Variants in BMP8B observed in about 807,000 individuals in gnomAD.
BMP8B encodes bone morphogenetic protein 8 (osteogenic protein 2).
In BMP8B, 17 loss-of-function variants were observed where a neutral mutation model predicts 30.3. That is an observed-to-expected ratio of 0.56 (90% CI 0.38 to 0.84). The LOEUF is 0.84. Among genes scored for constraint, BMP8B ranks in the 40% least tolerant of loss-of-function variants. The pLI is 0.00. For synonymous variants in BMP8B, 131 were observed against 214.7 expected (o/e 0.61, Z 3.41); for missense variants, 253 against 494.6 (o/e 0.51, Z 4.63).
chr1:39,763,996 G>C (rs1168935699), intron 4 of BMP8B: 7 of 625,854 alleles, frequency 1.1e-5, no homozygotes, highest in East Asian at 8.8e-5. Flanking sequence ...CCAATGGCTA[G>C]AGTGACACTG....
chr1:39,782,878 C>T (rs1172855336), intron 1 of BMP8B, among the ~76,000 whole-genome samples: 2 of 152,108 alleles, frequency 1.3e-5, no homozygotes, highest in Admixed American at 6.5e-5. Context: ...CAGGCAACCT[C>T]CATCTCCCAG....
chr1:39,778,207 T>C (rs1255319425), intron 1 of BMP8B, among the ~76,000 whole-genome samples: 1 of 152,162 alleles, frequency 6.6e-6, no homozygotes, highest in Non-Finnish European at 1.5e-5. Flanking sequence ...GGGCTGGGTA[T>C]CACTGCCAGT....
chr1:39,782,932 T>G (rs1401306144), intron 1 of BMP8B, among the ~76,000 whole-genome samples: 1 of 152,030 alleles, frequency 6.6e-6, no homozygotes. Context: ...TAGTTAGGAC[T>G]ACAGTCCCGC....
chr1:39,781,063 C>T (rs931001255), intron 1 of BMP8B, among the ~76,000 whole-genome samples: 1 of 152,202 alleles, frequency 6.6e-6, no homozygotes, highest in African/African-American at 2.4e-5. Context: ...TGTCTTTGGG[C>T]TTCTCTTTCT....
chr1:39,760,230 C>T lies in BMP8B; in HGVS notation c.*189G>A, dbSNP rs1348013662. On this transcript the variant is annotated 3_prime_UTR_variant, in exon 7 of 7. Transcript: ENST00000372827. ...ACCTGGGCTGGAAACAGGACAGTCA[C>T]ACAAATGCCTGGCAGGGCAAGGGGA... 12 of 1,022,406 alleles carry T rather than the reference C, an allele frequency of 1.2e-5. No homozygotes were observed. The East Asian group carries it at 1.8e-4, about 16-fold the overall frequency. The allele number at this position is 1,022,406 out of a possible 1,614,324, so 63.3% of individuals were successfully genotyped here.
chr1:39,786,647 C>A (rs1651000663), intron 1 of BMP8B, among the ~76,000 whole-genome samples: 1 of 152,156 alleles, frequency 6.6e-6, no homozygotes, highest in Non-Finnish European at 1.5e-5. Flanking sequence ...ATCCACAACT[C>A]TTCTTGGTCC....
chr1:39,762,995 G>A (rs114826687), intron 6 of BMP8B, 97 bp downstream of exon 6: 31,486 of 1,421,038 alleles, frequency 0.022, 398 homozygotes, highest in Non-Finnish European at 0.027. Flanking sequence ...GAGACGCGGA[G>A]CAGGTGGCCT....
At chr1:39,782,937 T>C (rs1022087692) in intron 1 of BMP8B, among the ~76,000 whole-genome samples, 1 of 151,800 alleles carries the variant, frequency 6.6e-6, no homozygotes, top group South Asian at 2.1e-4. Flanking sequence ...AGGACTACAG[T>C]CCCGCGCCAC....
rs1557497421 is a variant in BMP8B, at chr1:39,788,772, C to G, written c.-287G>C. On this transcript the variant is annotated 5_prime_UTR_variant, in exon 1 of 7. Coordinates refer to ENST00000372827, the MANE Select transcript of BMP8B (RefSeq NM_001720.5). The surrounding 1 kb of genome is among the most constrained non-coding windows in gnomAD (Gnocchi z 5.8). ...GGCCAATCCGTCTGTCGCCGCCGTA[C>G]CCGCCAGTCCGGCTGTGGCCGCGGT... 6.3e-6 allele frequency: 1 copy of G among 158,288 alleles called. No homozygotes were observed. The highest frequency in any genetic ancestry group is 1.4e-5 in the Non-Finnish European group (1 of 73,796). 9.8% of individuals were successfully genotyped at this position (158,288 alleles called of 1,614,324 possible). A position where few individuals can be genotyped will look rare whatever the true frequency, so the allele number is the denominator to read the frequency against.
rs1310954199 is a variant in BMP8B, at chr1:39,765,035, AG to A, written c.674-219del. ...TGGGGACAGATTTGGAGGAGGTGGG[AG>A]GGGGTGCTCAGTGAGCTGCAGGCGG... On this transcript the variant is annotated intron_variant, in intron 3 of 6. Coordinates refer to ENST00000372827, the MANE Select transcript of BMP8B (RefSeq NM_001720.5). 3.2e-5 allele frequency: 32 copies of A among 1,009,280 alleles called. No homozygotes were observed. The South Asian group carries it at 4.7e-4, about 15-fold the overall frequency. 62.5% of individuals were successfully genotyped at this position (1,009,280 alleles called of 1,614,324 possible).
chr1:39,771,298 G>T (rs1395006823), intron 3 of BMP8B: 11 of 1,440,330 alleles, frequency 7.6e-6, no homozygotes, highest in Non-Finnish European at 1.0e-5. Context: ...TGTGAGCCCT[G>T]CGTGCGCCTC....
chr1:39,760,952 T>G (rs1006282908), intron 6 of BMP8B, among the ~76,000 whole-genome samples: 9 of 152,074 alleles, frequency 5.9e-5, no homozygotes, highest in African/African-American at 2.2e-4. Context: ...CTTTCTTCTT[T>G]TGGCCCTTCG....
At position 39,759,555 on chromosome 1, in the gene BMP8B, A is replaced by G. The variant is rs1648665234; in HGVS notation, c.*864T>C. ...TCTGCCATTCAGAGGGGAAAGGGAAATGATGGCATCTGTGCTGTGCATTGT... is the reference window on the plus strand; with the variant it reads ...TCTGCCATTCAGAGGGGAAAGGGAAGTGATGGCATCTGTGCTGTGCATTGT... On this transcript the variant is annotated 3_prime_UTR_variant, in exon 7 of 7. Coordinates refer to ENST00000372827, the MANE Select transcript of BMP8B (RefSeq NM_001720.5). The G allele has an allele frequency of 6.6e-6, 1 of 152,266 alleles. No individual in the cohort carries two copies. Among genetic ancestry groups the G allele is most frequent in the Non-Finnish European group, 1.5e-5 (1 of 68,060 alleles). The allele number at this position is 152,266 out of a possible 1,614,324, so 9.4% of individuals were successfully genotyped here.
At chr1:39,783,622 A>G (rs1650797788) in intron 1 of BMP8B, among the ~76,000 whole-genome samples, 1 of 152,258 alleles carries the variant, frequency 6.6e-6, no homozygotes, top group South Asian at 2.1e-4. Context: ...GAAAGAAAAG[A>G]AAACGCTGGG....
At position 39,788,604 on chromosome 1, in the gene BMP8B, G is replaced by A. The variant is rs1365664603; in HGVS notation, c.-119C>T. ...CTGGGCTCGGCGGGCGGCGGGCGGC[G>A]GGGCGGGGCGGGACGGGCGGCGACC... On this transcript the variant is annotated 5_prime_UTR_variant, in exon 1 of 7. Transcript: ENST00000372827. The surrounding 1 kb of genome is among the most constrained non-coding windows in gnomAD (Gnocchi z 5.8). The A allele has an allele frequency of 4.4e-6, 4 of 904,360 alleles. No homozygotes were observed. Among genetic ancestry groups the A allele is most frequent in the African/African-American group, 1.8e-5 (1 of 55,232 alleles). The allele number at this position is 904,360 out of a possible 1,614,324, so 56.0% of individuals were successfully genotyped here.
At chr1:39,763,252 C>T in intron 5 of BMP8B, 50 bp from the exon 6 acceptor site, 1 of 1,520,554 alleles carries the variant, frequency 6.6e-7, no homozygotes, top group Non-Finnish European at 9.0e-7. Flanking sequence ...CCTCCCTGAG[C>T]CTCAGGGCCC....
chr1:39,788,730 T>C lies in BMP8B; in HGVS notation c.-245A>G, dbSNP rs1411816048. 1.7e-5 allele frequency: 3 copies of C among 180,740 alleles called. No homozygotes were observed. The highest frequency in any genetic ancestry group is 3.2e-5 in the Non-Finnish European group (3 of 94,498). The allele number at this position is 180,740 out of a possible 1,614,324, so 11.2% of individuals were successfully genotyped here. A position where few individuals can be genotyped will look rare whatever the true frequency, so the allele number is the denominator to read the frequency against. ...CACCGCCTCGAGGCCGGGGCTACTC[T>C]GCGGACTGGGACTCTCGGCCAATCC... is the stretch of plus-strand genomic sequence containing the variant. On this transcript the variant is annotated 5_prime_UTR_variant, in exon 1 of 7. Transcript: ENST00000372827. This position sits in a 1 kb window ranked among gnomAD's most constrained non-coding sequence, Gnocchi z 5.8.
rs541961159 is a variant in BMP8B, at chr1:39,766,265, G to C, written c.674-1448C>G. On this transcript the variant is annotated intron_variant, in intron 3 of 6. Coordinates refer to ENST00000372827, the MANE Select transcript of BMP8B (RefSeq NM_001720.5). ...TCCTGATACTGAATGGCAGAAGCAT[G>C]ATTACCAGCTCATTTTCATGTCTCT... 1.5e-3 allele frequency among the ~76,000 whole-genome samples: 226 copies of C among 146,480 alleles called. 16 individuals are homozygous for C. Among genetic ancestry groups the C allele is most frequent in the Non-Finnish European group, 2.1e-3 (138 of 66,244 alleles).
chr1:39,787,483 C>T (rs1385749394), intron 1 of BMP8B, among the ~76,000 whole-genome samples: 1 of 152,190 alleles, frequency 6.6e-6, no homozygotes, highest in African/African-American at 2.4e-5. Context: ...CAGGAAAAGC[C>T]GGGCTTTGCC....
Sources: allele counts gnomAD v4.1 joint callset (sites outside exome capture counted in the v4.1 genomes callset), GRCh38; gene constraint gnomAD v4.1.1; non-coding constraint Gnocchi (gnomAD v3.1); transcripts MANE v1.5; gene names NCBI Gene and HGNC (gene_info 2026-07-23, HGNC 2026-07-21).